The following MMP26 variants were observed in gnomAD, a reference collection of about 807,000 sequenced individuals.
MMP26 encodes matrix metalloproteinase-26.
Under a neutral mutation model 31.0 loss-of-function variants are expected in MMP26, and 33 were observed. That is an observed-to-expected ratio of 1.06 (90% CI 0.81 to 1.42). The LOEUF (loss-of-function observed/expected upper bound fraction) is 1.42, where lower values mean the gene tolerates loss of function less well. Among genes scored for constraint, MMP26 ranks in the 40% most tolerant of loss-of-function variants. The pLI, the probability that MMP26 is intolerant of heterozygous loss-of-function variation, is 0.00. For synonymous variants in MMP26, 122 were observed against 114.9 expected (o/e 1.06, Z -0.40); for missense variants, 347 against 316.1 (o/e 1.10, Z -0.74).
intron 1 of MMP26, among the ~76,000 whole-genome samples, chr11:4,759,149 G>C (rs1022506446): frequency 6.7e-6 from 1 of 148,388 alleles, no homozygotes; most frequent in African/African-American, 2.5e-5. Flanking sequence ...AAAAAATTTG[G>C]CAAAAATAAT....
rs376730979 is a variant in MMP26 at position 4,955,933 on chromosome 11, T to C, written c.-144-32135T>C. Among the ~76,000 whole-genome samples the C allele has an allele frequency of 1.9e-4, 29 of 152,374 alleles. No individual in the cohort carries two copies. The East Asian group carries it at 5.6e-3, about 29-fold the overall frequency. ...AATACTTTAGAGTAGAATCTGTCTATTAATGCATTGGGAAAATTATTTCTG... is the reference window on the plus strand; with the variant it reads ...AATACTTTAGAGTAGAATCTGTCTACTAATGCATTGGGAAAATTATTTCTG... On this transcript the variant is annotated intron_variant, in intron 2 of 7. Transcript: ENST00000380390.
At chr11:4,915,387 C>T (rs1163671073) in intron 2 of MMP26, 2 of 1,613,892 alleles carry the variant, frequency 1.2e-6, no homozygotes, top group Non-Finnish European at 1.7e-6. Flanking sequence ...TCTCGTGCTC[C>T]AACCCAAAAG....
intron 2 of MMP26, among the ~76,000 whole-genome samples, chr11:4,849,539 G>A (rs983003582): frequency 6.6e-6 from 1 of 151,678 alleles, no homozygotes; most frequent in Non-Finnish European, 1.5e-5. Context: ...CTCCCTTTAT[G>A]ACAAACACTT....
At chr11:4,759,135 A>AAAAAAAAG (rs1262302875) in intron 1 of MMP26, among the ~76,000 whole-genome samples, 3 of 143,698 alleles carry the variant, frequency 2.1e-5, no homozygotes, top group African/African-American at 8.0e-5. Flanking sequence ...AAAAAAAAAA[A>AAAAAAAAG]GACAAAAAAT....
chr11:4,879,051 T>A (rs1302593825), intron 2 of MMP26, among the ~76,000 whole-genome samples: 1 of 151,980 alleles, frequency 6.6e-6, no homozygotes, highest in Non-Finnish European at 1.5e-5. Context: ...CTGGCCAACA[T>A]GATGAAACCC....
chr11:4,814,937 C>T (rs930701239), intron 2 of MMP26, among the ~76,000 whole-genome samples: 13 of 152,204 alleles, frequency 8.5e-5, no homozygotes, highest in African/African-American at 2.7e-4. Flanking sequence ...GAGGTCCTGA[C>T]GACTTGTGCC....
At chr11:4,785,041 C>G (rs1848917370) in intron 2 of MMP26, among the ~76,000 whole-genome samples, 1 of 152,226 alleles carries the variant, frequency 6.6e-6, no homozygotes, top group Non-Finnish European at 1.5e-5. Flanking sequence ...TTTTGATAGA[C>G]AGGTGTCAAT....
rs202200523 is a variant in MMP26, at chr11:4,723,553, TC to T, written c.-217+18510del. The T allele has an allele frequency of 5.9e-4, 702 of 1,193,840 alleles. 4 individuals are homozygous for T. In the African/African-American group the frequency reaches 9.2e-3, roughly 16 times the overall value. 74.0% of individuals were successfully genotyped at this position (1,193,840 alleles called of 1,614,324 possible). A position where few individuals can be genotyped will look rare whatever the true frequency, so the allele number is the denominator to read the frequency against. On this transcript the variant is annotated intron_variant, in intron 1 of 7. Coordinates refer to ENST00000380390, the MANE Select transcript of MMP26 (RefSeq NM_021801.5). ...GTCAGTCAGCCCTTCCAGGAGAGAC[TC>T]CAGCTCTACCTTGTTCATGTTAGCT...
At chr11:4,880,510 C>T (rs957091199) in intron 2 of MMP26, among the ~76,000 whole-genome samples, 4 of 151,960 alleles carry the variant, frequency 2.6e-5, no homozygotes, top group African/African-American at 7.3e-5. Flanking sequence ...AGGCAAAAGA[C>T]GATAGGACTC....
At chr11:4,986,983 C>A (rs1369870578) in intron 2 of MMP26, among the ~76,000 whole-genome samples, 1 of 130,170 alleles carries the variant, frequency 7.7e-6, no homozygotes, top group Non-Finnish European at 1.6e-5. Context: ...CTCTTTCTTT[C>A]TTTCTTAGAT....
intron 2 of MMP26, among the ~76,000 whole-genome samples, chr11:4,808,039 C>T (rs1849301337): frequency 6.6e-6 from 1 of 152,126 alleles, no homozygotes; most frequent in African/African-American, 2.4e-5. Context: ...CTCTTGGGCT[C>T]AAGTGACCAG....
chr11:4,895,656 G>A (rs1262235324), intron 2 of MMP26, among the ~76,000 whole-genome samples: 1 of 152,220 alleles, frequency 6.6e-6, no homozygotes, highest in Non-Finnish European at 1.5e-5. Context: ...GGATGCAGTG[G>A]CTCATGCCTG....
intron 2 of MMP26, chr11:4,803,962 G>T (rs1589905668): frequency 6.2e-7 from 1 of 1,613,660 alleles, no homozygotes; most frequent in Non-Finnish European, 8.5e-7. Flanking sequence ...GACCGATGGG[G>T]TCAGGATGCT....
At chr11:4,798,037 A>G (rs957747792) in intron 2 of MMP26, among the ~76,000 whole-genome samples, 11 of 152,192 alleles carry the variant, frequency 7.2e-5, no homozygotes, top group African/African-American at 2.4e-4. Flanking sequence ...GCAGTGATGC[A>G]TTTTCTGCAT....
At chr11:4,709,232 T>C (rs938970377) in intron 1 of MMP26, among the ~76,000 whole-genome samples, 2 of 152,146 alleles carry the variant, frequency 1.3e-5, no homozygotes, top group Admixed American at 6.5e-5. Context: ...CCCGTGTACA[T>C]ACAGTCATAG....
chr11:4,710,505 C>T (rs952175751), intron 1 of MMP26: 2 of 422,922 alleles, frequency 4.7e-6, no homozygotes, highest in Admixed American at 4.9e-5. Context: ...TCTTTCTAAG[C>T]TAATTTAGGG....
chr11:4,798,606 AT>A (rs1849140498), intron 2 of MMP26, among the ~76,000 whole-genome samples: 1 of 152,134 alleles, frequency 6.6e-6, no homozygotes, highest in African/African-American at 2.4e-5. Context: ...CTAAAGCACC[AT>A]TTTTTCTCAT....
At chr11:4,886,284 T>C (rs1003312176) in intron 2 of MMP26, among the ~76,000 whole-genome samples, 1 of 152,140 alleles carries the variant, frequency 6.6e-6, no homozygotes. Flanking sequence ...TCTGGAATCA[T>C]ACTGCCTGGG....
At chr11:4,842,917 A>T (rs538191642) in intron 2 of MMP26, among the ~76,000 whole-genome samples, 1 of 152,330 alleles carries the variant, frequency 6.6e-6, no homozygotes, top group South Asian at 2.1e-4. Flanking sequence ...TCCCATTTTT[A>T]ATGGAAAAAA....
Sources: allele counts gnomAD v4.1 joint callset (sites outside exome capture counted in the v4.1 genomes callset), GRCh38; gene constraint gnomAD v4.1.1; transcripts MANE v1.5; gene names NCBI Gene and HGNC (gene_info 2026-07-23, HGNC 2026-07-21).